Variants in TMTC3 observed in about 807,000 individuals in gnomAD.
TMTC3 encodes protein O-mannosyl-transferase TMTC3.
A neutral mutation model predicts 92.2 loss-of-function variants in TMTC3; 52 were observed. That is an observed-to-expected ratio of 0.56 (90% CI 0.45 to 0.71). The LOEUF (loss-of-function observed/expected upper bound fraction) is 0.71. TMTC3 is among the 30% of genes least tolerant of loss of function. TMTC3 has a pLI of 0.00. For synonymous variants in TMTC3, 339 were observed against 363.3 expected, an observed-to-expected ratio of 0.93 and a Z score of 0.76; for missense variants, 896 against 1,057.1, an observed-to-expected ratio of 0.85 and a Z score of 2.11.
At chr12:88,183,393 T>A (rs1021301638) in intron 10 of TMTC3, among the ~76,000 whole-genome samples, 4 of 152,190 alleles carry the variant, frequency 2.6e-5, no homozygotes, top group Admixed American at 6.5e-5. Context: ...TGATCTTGCA[T>A]TGCCAGGCAG....
At chr12:88,184,879 G>C (rs940585206) in intron 10 of TMTC3, among the ~76,000 whole-genome samples, 2 of 152,086 alleles carry the variant, frequency 1.3e-5, no homozygotes, top group African/African-American at 4.8e-5. Flanking sequence ...AAAGGGCATA[G>C]AGATTAGAAA....
At chr12:88,185,532 T>A (rs753680782) in intron 10 of TMTC3, among the ~76,000 whole-genome samples, 3 of 152,200 alleles carry the variant, frequency 2.0e-5, no homozygotes, top group Non-Finnish European at 4.4e-5. Context: ...GTTACAAACA[T>A]GGCTGTTACG....
intron 1 of TMTC3, among the ~76,000 whole-genome samples, chr12:88,146,892 A>T (rs961043398): frequency 3.3e-5 from 5 of 150,122 alleles, no homozygotes; most frequent in South Asian, 4.2e-4. Flanking sequence ...TCAGTAGTTT[A>T]ATATGTTTAT....
intron 10 of TMTC3, among the ~76,000 whole-genome samples, chr12:88,183,323 C>T (rs2041338951): frequency 6.6e-6 from 1 of 152,142 alleles, no homozygotes; most frequent in Admixed American, 6.5e-5. Flanking sequence ...TTCTTTAATG[C>T]TTTTCCTTAT....
chr12:88,159,067 G>GAAAAAAAAAAAA (rs538720655), intron 4 of TMTC3, among the ~76,000 whole-genome samples: 1 of 113,126 alleles, frequency 8.8e-6, no homozygotes, highest in Non-Finnish European at 1.9e-5. Flanking sequence ...AAAAAAAAAG[G>GAAAAAAAAAAAA]AAAAAAAAAA....
chr12:88,154,964 C>CT (rs1403712649), intron 4 of TMTC3, among the ~76,000 whole-genome samples: 2 of 152,054 alleles, frequency 1.3e-5, no homozygotes, highest in African/African-American at 2.4e-5. Flanking sequence ...GGGCACAAAC[C>CT]TTTAAGTTCT....
Position 88,174,713 on chromosome 12 carries a change from A to T in TMTC3, c.1306A>T (p.Met436Leu). ...TTGGGAGTCTGAATATACATTGTTT[A>T]TGTCAGCCTTGAAGGTAAAGTGTTG... ...WDWESEYTLF[M>L]SALKVNKNNA... is the part of the protein sequence containing the mutation. The change falls in exon 9 of 14, where the codon ATG becomes TTG. Residue 436 changes from methionine to leucine, a missense_variant. Met to Leu is a conservative substitution (Grantham distance 15, BLOSUM62 2). Transcript: ENST00000266712. 6.2e-7 allele frequency: 1 copy of T among 1,612,228 alleles called. No individual in the cohort carries two copies. Among genetic ancestry groups the T allele is most frequent in the Non-Finnish European group, 8.5e-7 (1 of 1,178,914 alleles).
intron 7 of TMTC3, among the ~76,000 whole-genome samples, chr12:88,169,768 A>G (rs1453226053): frequency 1.3e-5 from 2 of 151,982 alleles, no homozygotes; most frequent in Admixed American, 1.3e-4. Context: ...GTGAGATCCC[A>G]CCTCTAAAAA....
chr12:88,149,370 A>G (rs1052221899), intron 2 of TMTC3, among the ~76,000 whole-genome samples: 3 of 152,188 alleles, frequency 2.0e-5, no homozygotes, highest in Non-Finnish European at 4.4e-5. Context: ...AATAGGTGAG[A>G]ATACATCTTT....
At chr12:88,183,560 A>G (rs2041342371) in intron 10 of TMTC3, among the ~76,000 whole-genome samples, 1 of 151,864 alleles carries the variant, frequency 6.6e-6, no homozygotes, top group Non-Finnish European at 1.5e-5. Context: ...GCTGAGGGAG[A>G]AGGAGGAGGC....
At chr12:88,143,190 A>C (rs2040790393) in intron 1 of TMTC3, among the ~76,000 whole-genome samples, 1 of 152,118 alleles carries the variant, frequency 6.6e-6, no homozygotes, top group South Asian at 2.1e-4. Context: ...CTTTAAAAAA[A>C]AAATTACTGT....
intron 10 of TMTC3, among the ~76,000 whole-genome samples, chr12:88,186,942 A>G (rs970242400): frequency 1.3e-5 from 2 of 152,058 alleles, no homozygotes; most frequent in African/African-American, 4.8e-5. Context: ...ATAGTAATTC[A>G]CCTCATTTTT....
intron 13 of TMTC3, among the ~76,000 whole-genome samples, chr12:88,193,888 T>G (rs1346397846): frequency 6.6e-6 from 1 of 152,014 alleles, no homozygotes; most frequent in Non-Finnish European, 1.5e-5. Context: ...AACTTTTTTG[T>G]TTTTTTGGCT....
chr12:88,185,693 G>A (rs952019315), intron 10 of TMTC3, among the ~76,000 whole-genome samples: 2 of 152,102 alleles, frequency 1.3e-5, no homozygotes, highest in African/African-American at 4.8e-5. Flanking sequence ...CCCACCAGCA[G>A]TATAGGAGAG....
chr12:88,172,544 T>C (rs1425869128), intron 7 of TMTC3, 53 bp from the exon 8 acceptor site: 5 of 1,043,238 alleles, frequency 4.8e-6, no homozygotes, highest in African/African-American at 1.7e-5. Flanking sequence ...TAATTTATTA[T>C]AAATTATTTT....
intron 7 of TMTC3, among the ~76,000 whole-genome samples, chr12:88,168,193 C>T (rs1298389291): frequency 1.3e-5 from 2 of 152,168 alleles, no homozygotes; most frequent in Non-Finnish European, 2.9e-5. Flanking sequence ...ATGGTTAACA[C>T]TAACAGATGC....
chr12:88,194,375 T>TA (rs1317045983), intron 13 of TMTC3, among the ~76,000 whole-genome samples: 5 of 152,180 alleles, frequency 3.3e-5, no homozygotes, highest in Non-Finnish European at 7.4e-5. Context: ...CAGTAATAGT[T>TA]ACTATTTGCT....
At chr12:88,142,677 GT>G (rs991460846) in intron 1 of TMTC3, among the ~76,000 whole-genome samples, 190 bp downstream of exon 1, 43 of 152,332 alleles carry the variant, frequency 2.8e-4, no homozygotes, top group African/African-American at 9.9e-4. Context: ...AAAACAAAAA[GT>G]TTTAGCCTTG....
chr12:88,151,025 T>G (rs968148443), intron 2 of TMTC3, among the ~76,000 whole-genome samples: 3 of 152,204 alleles, frequency 2.0e-5, no homozygotes, highest in African/African-American at 7.2e-5. Context: ...TATTAGAATT[T>G]GCCTGGGGCA....
Sources: gnomAD v4.1 joint callset for allele counts (sites outside exome capture counted in the v4.1 genomes callset) on GRCh38, gnomAD v4.1.1 for gene constraint, MANE v1.5 for transcripts, NCBI Gene and HGNC (gene_info 2026-07-23, HGNC 2026-07-21) for gene names.